PIK3R1: variants seen among roughly 807,000 people sequenced by gnomAD.
The protein encoded by PIK3R1 is phosphoinositide-3-kinase regulatory subunit 1.
Under a neutral mutation model 98.0 loss-of-function variants are expected in PIK3R1, and 29 were observed. The ratio of observed to expected loss-of-function variants is 0.30; its 90% CI spans 0.22 to 0.40. PIK3R1 has a LOEUF of 0.40. Among genes scored for constraint, PIK3R1 ranks in the 10% least tolerant of loss-of-function variants. The pLI, the probability that PIK3R1 is intolerant of heterozygous loss-of-function variation, is 1.00. For synonymous variants in PIK3R1, 282 were observed against 311.8 expected, an observed-to-expected ratio of 0.90 and a Z score of 1.01; for missense variants, 596 against 872.7, an observed-to-expected ratio of 0.68 and a Z score of 3.99.
chr5:68,239,853 G>T, intron 2 of PIK3R1: 1 of 504,600 alleles, frequency 2.0e-6, no homozygotes, highest in Non-Finnish European at 3.9e-6. Context: ...ACAGACACAA[G>T]AACAACTGAA....
At position 68,295,491 on chromosome 5, in the gene PIK3R1, A is replaced by T; in HGVS notation, c.1814+3A>T. 1 of 1,612,638 alleles carries T rather than the reference A, an allele frequency of 6.2e-7. No homozygotes were observed. On this transcript the variant is annotated splice_donor_region_variant and intron_variant, in intron 14 of 15. Coordinates refer to ENST00000521381, the MANE Select transcript of PIK3R1 (RefSeq NM_181523.3). ...TTGGGCAATGAAAACACTGAAGAGT[A>T]AGTAGTTACTAAAGATGGTGATAGC...
chr5:68,246,476 C>G (rs1375469936), intron 2 of PIK3R1, among the ~76,000 whole-genome samples: 1 of 151,974 alleles, frequency 6.6e-6, no homozygotes, highest in Non-Finnish European at 1.5e-5. Flanking sequence ...CCACGCCCAG[C>G]TAATTTTTGT....
intron 2 of PIK3R1, among the ~76,000 whole-genome samples, chr5:68,243,050 TAA>T (rs1002753336): frequency 7.0e-6 from 1 of 143,528 alleles, no homozygotes. Context: ...AGCAAGGCCT[TAA>T]AAAAAAAAAA....
At chr5:68,273,866 TG>T in intron 3 of PIK3R1, 72 bp from the exon 4 acceptor site, 1 of 1,143,718 alleles carries the variant, frequency 8.7e-7, no homozygotes, top group Non-Finnish European at 1.3e-6. Flanking sequence ...GGAATGTCTC[TG>T]GCAGCAGCCT....
rs942191668 is a variant in PIK3R1 at position 68,298,220 on chromosome 5, G to C, written c.*619G>C. On this transcript the variant is annotated 3_prime_UTR_variant, in exon 16 of 16. Coordinates refer to ENST00000521381, the MANE Select transcript of PIK3R1 (RefSeq NM_181523.3). The stretch of plus-strand genomic sequence containing the variant: ...ATTCTGTCATAGAAAGTGCCAGAAA[G>C]TGTTTAACTTGTCAAAAAACAAAAA... The C allele has an allele frequency of 4.3e-6, 1 of 232,682 alleles. No homozygotes were observed. The highest frequency in any genetic ancestry group is 8.5e-6 in the Non-Finnish European group (1 of 117,542). The allele number at this position is 232,682 out of a possible 1,614,324, so 14.4% of individuals were successfully genotyped here.
chr5:68,268,486 A>G (rs1206403616), intron 2 of PIK3R1, among the ~76,000 whole-genome samples: 2 of 152,236 alleles, frequency 1.3e-5, no homozygotes, highest in South Asian at 2.1e-4. Flanking sequence ...CCACCAGAAT[A>G]TACATTTTTC....
intron 7 of PIK3R1, among the ~76,000 whole-genome samples, chr5:68,282,029 T>C (rs1183104119): frequency 1.3e-5 from 2 of 151,994 alleles, no homozygotes; most frequent in African/African-American, 2.4e-5. Flanking sequence ...ATGCGGGTAT[T>C]GGGAAAGGTT....
chr5:68,272,646 T>C (rs1014132242), intron 2 of PIK3R1, among the ~76,000 whole-genome samples: 10 of 152,226 alleles, frequency 6.6e-5, no homozygotes, highest in Non-Finnish European at 1.3e-4. Context: ...TCATTGTAAA[T>C]GGTTAAAACG....
chr5:68,237,140 T>C (rs1015513489), intron 2 of PIK3R1, among the ~76,000 whole-genome samples: 1 of 152,228 alleles, frequency 6.6e-6, no homozygotes, highest in African/African-American at 2.4e-5. Flanking sequence ...ACTGGAGTTA[T>C]TACTTGCTTA....
chr5:68,269,005 C>T (rs774646700), intron 2 of PIK3R1, among the ~76,000 whole-genome samples: 8 of 152,168 alleles, frequency 5.3e-5, no homozygotes, highest in Admixed American at 1.3e-4. Flanking sequence ...AAAACTAGAA[C>T]GAGTGGAAAA....
At chr5:68,244,321 T>C (rs1744982951) in intron 2 of PIK3R1, among the ~76,000 whole-genome samples, 1 of 152,208 alleles carries the variant, frequency 6.6e-6, no homozygotes, top group Admixed American at 6.5e-5. Flanking sequence ...AAGCATGTGT[T>C]GAAAGTCTCT....
intron 1 of PIK3R1, among the ~76,000 whole-genome samples, chr5:68,220,170 C>T (rs1031058261): frequency 1.3e-5 from 2 of 152,158 alleles, no homozygotes; most frequent in African/African-American, 2.4e-5. Context: ...AACTGTGCCA[C>T]AGAGAGGTTT....
intron 1 of PIK3R1, among the ~76,000 whole-genome samples, chr5:68,223,123 A>AATCATC (rs60144880): frequency 0.012 from 1,714 of 148,014 alleles, 16 homozygotes; most frequent in Non-Finnish European, 0.016. Context: ...GTACAAACTC[A>AATCATC]ATCATCATCA....
At chr5:68,243,589 ATG>A (rs201101347) in intron 2 of PIK3R1, among the ~76,000 whole-genome samples, 2,501 of 152,336 alleles carry the variant, frequency 0.016, 36 homozygotes, top group Middle Eastern at 0.027. Context: ...ACTGGAGAAA[ATG>A]TGTAAACCAA....
At position 68,301,142 on chromosome 5, in the gene PIK3R1, T is replaced by G. The variant is rs1341596351; in HGVS notation, c.*3541T>G. The stretch of plus-strand genomic sequence containing the variant: ...GATCTGTTTGAGTTTAGGGTCATTT[T>G]TAGAAAGGGGCAGTTTAAAGCACAA... On this transcript the variant is annotated 3_prime_UTR_variant, in exon 16 of 16. Transcript: ENST00000521381. 1.8e-5 allele frequency: 4 copies of G among 226,106 alleles called. No individual in the cohort carries two copies. Among genetic ancestry groups the G allele is most frequent in the Non-Finnish European group, 3.5e-5 (4 of 113,568 alleles). 14.0% of individuals were successfully genotyped at this position (226,106 alleles called of 1,614,324 possible).
intron 7 of PIK3R1, chr5:68,290,815 T>C (rs1580258207): frequency 6.2e-7 from 1 of 1,611,830 alleles, no homozygotes; most frequent in Non-Finnish European, 8.5e-7. Context: ...TGATGTTTTA[T>C]ATAGAAATGG....
At chr5:68,241,233 T>C (rs1024285695) in intron 2 of PIK3R1, among the ~76,000 whole-genome samples, 3 of 152,148 alleles carry the variant, frequency 2.0e-5, no homozygotes, top group Non-Finnish European at 4.4e-5. Flanking sequence ...AAAAATCTTT[T>C]GTTTATAAGG....
intron 2 of PIK3R1, among the ~76,000 whole-genome samples, chr5:68,254,488 T>C (rs1745436606): frequency 6.6e-6 from 1 of 152,210 alleles, no homozygotes; most frequent in Non-Finnish European, 1.5e-5. Flanking sequence ...GAAATCATAT[T>C]AAGGTATTTT....
At chr5:68,217,008 G>T (rs1461356917) in intron 1 of PIK3R1, among the ~76,000 whole-genome samples, 1 of 152,150 alleles carries the variant, frequency 6.6e-6, no homozygotes, top group Admixed American at 6.5e-5. Flanking sequence ...CACTTCCACC[G>T]TTAATCCCTT....
Sources: allele counts gnomAD v4.1 joint callset (sites outside exome capture counted in the v4.1 genomes callset), GRCh38; gene constraint gnomAD v4.1.1; transcripts MANE v1.5; gene names NCBI Gene and HGNC (gene_info 2026-07-23, HGNC 2026-07-21).